Variants in KANK1 observed in about 807,000 individuals in gnomAD.
The protein encoded by KANK1 is KN motif and ankyrin repeat domain-containing protein 1.
In KANK1, 109 loss-of-function variants were observed where a neutral mutation model predicts 106.2. The ratio of observed to expected loss-of-function variants is 1.03; its 90% CI spans 0.88 to 1.20. KANK1 has a LOEUF of 1.20. KANK1 is among the 50% of genes most tolerant of loss of function. KANK1 has a pLI of 0.00. For synonymous variants in KANK1, 873 were observed against 652.2 expected, an observed-to-expected ratio of 1.34 and a Z score of -5.16; for missense variants, 2,399 against 1,710.7, an observed-to-expected ratio of 1.40 and a Z score of -7.10.
chr9:543,842 C>A (rs1215882588), intron 1 of KANK1, among the ~76,000 whole-genome samples: 5 of 152,126 alleles, frequency 3.3e-5, no homozygotes, highest in Admixed American at 3.3e-4. Context: ...TTGCCCCTTA[C>A]CGTCTTCAAA....
intron 1 of KANK1, among the ~76,000 whole-genome samples, chr9:517,399 G>A (rs527819600): frequency 2.6e-5 from 4 of 151,884 alleles, no homozygotes; most frequent in East Asian, 1.9e-4. Flanking sequence ...ACTGCGGCCC[G>A]GCTGCAAGCT....
chr9:536,032 A>G (rs1441921746), intron 1 of KANK1, among the ~76,000 whole-genome samples: 1 of 152,128 alleles, frequency 6.6e-6, no homozygotes, highest in African/African-American at 2.4e-5. Context: ...TAAAACCCAC[A>G]AATTTCATGC....
intron 3 of KANK1, among the ~76,000 whole-genome samples, chr9:483,891 A>G (rs1161457248): frequency 6.6e-6 from 1 of 152,202 alleles, no homozygotes; most frequent in Non-Finnish European, 1.5e-5. Flanking sequence ...TATCAGGGCT[A>G]TTTAAAAAAA....
At chr9:650,373 C>T (rs10491593) in intron 1 of KANK1, among the ~76,000 whole-genome samples, 32,809 of 152,122 alleles carry the variant, frequency 0.22, 4,716 homozygotes, top group African/African-American at 0.39. Context: ...TCCTCTTTTA[C>T]TCTCCAGCAA....
chr9:723,488 A>G (rs1360225865), intron 3 of KANK1, among the ~76,000 whole-genome samples: 3 of 146,528 alleles, frequency 2.0e-5, no homozygotes, highest in Non-Finnish European at 2.9e-5. Flanking sequence ...GCATGATCAC[A>G]AGCACCTGGG....
intron 1 of KANK1, among the ~76,000 whole-genome samples, chr9:629,096 C>T (rs1182832885): frequency 7.2e-6 from 1 of 139,166 alleles, no homozygotes; most frequent in Non-Finnish European, 1.6e-5. Context: ...AAAAAAAAAT[C>T]CCATCTTGCA....
At chr9:569,965 C>T (rs1010295669) in intron 1 of KANK1, among the ~76,000 whole-genome samples, 13 of 152,250 alleles carry the variant, frequency 8.5e-5, no homozygotes, top group Non-Finnish European at 1.9e-4. Flanking sequence ...CATTATACAC[C>T]TTCCCCACCC....
chr9:522,979 C>G (rs1168613602), intron 1 of KANK1, among the ~76,000 whole-genome samples: 1 of 151,722 alleles, frequency 6.6e-6, no homozygotes, highest in East Asian at 1.9e-4. Flanking sequence ...ATGGATAATG[C>G]AAAACATGAT....
At chr9:552,673 A>C (rs903115297) in intron 1 of KANK1, among the ~76,000 whole-genome samples, 16 of 152,222 alleles carry the variant, frequency 1.1e-4, no homozygotes, top group African/African-American at 3.6e-4. Context: ...ATTCTTGACT[A>C]ATCTGCTCAA....
intron 8 of KANK1, among the ~76,000 whole-genome samples, chr9:739,433 A>G (rs1323741109): frequency 6.6e-6 from 1 of 152,212 alleles, no homozygotes; most frequent in Non-Finnish European, 1.5e-5. Context: ...GATGCAGAGA[A>G]GAAAGCCAAG....
intron 1 of KANK1, among the ~76,000 whole-genome samples, chr9:596,374 T>C (rs1489516329): frequency 1.3e-5 from 2 of 151,774 alleles, no homozygotes; most frequent in Non-Finnish European, 2.9e-5. Context: ...CTTCTTTTAA[T>C]GTACATCACT....
intron 1 of KANK1, among the ~76,000 whole-genome samples, chr9:567,040 C>T (rs1817979816): frequency 6.6e-6 from 1 of 152,096 alleles, no homozygotes; most frequent in Non-Finnish European, 1.5e-5. Context: ...GGAAGGGGTC[C>T]AGTTTCAATT....
At chr9:646,466 A>G (rs771176464) in intron 1 of KANK1, among the ~76,000 whole-genome samples, 6 of 151,050 alleles carry the variant, frequency 4.0e-5, no homozygotes, top group Non-Finnish European at 7.4e-5. Flanking sequence ...TCTCTCTCTA[A>G]TTATATCTTC....
At chr9:735,059 CT>C (rs1833407384) in intron 7 of KANK1, among the ~76,000 whole-genome samples, 1 of 152,192 alleles carries the variant, frequency 6.6e-6, no homozygotes, top group African/African-American at 2.4e-5. Flanking sequence ...CCACCCTGGA[CT>C]TTTCCTGGGG....
chr9:627,718 A>T (rs1834695857), intron 1 of KANK1, among the ~76,000 whole-genome samples: 1 of 152,148 alleles, frequency 6.6e-6, no homozygotes, highest in Non-Finnish European at 1.5e-5. Context: ...CAGAGGGTGG[A>T]TGGGAGAGTG....
intron 1 of KANK1, among the ~76,000 whole-genome samples, chr9:552,847 A>C (rs2061360937): frequency 1.3e-5 from 2 of 152,220 alleles, no homozygotes; most frequent in African/African-American, 4.8e-5. Flanking sequence ...CCTTTGTTAG[A>C]AATGAACATG....
intron 1 of KANK1, among the ~76,000 whole-genome samples, chr9:534,496 C>G (rs757835694): frequency 6.6e-6 from 1 of 152,202 alleles, no homozygotes; most frequent in Non-Finnish European, 1.5e-5. Context: ...AGCAAAAAAT[C>G]TGGACCATGT....
At chr9:651,401 T>C (rs535969786) in intron 1 of KANK1, among the ~76,000 whole-genome samples, 2 of 152,362 alleles carry the variant, frequency 1.3e-5, no homozygotes, top group Admixed American at 1.3e-4. Context: ...TCCATCATAC[T>C]AATTTAGGAA....
chr9:662,389 A>G (rs887692537), intron 1 of KANK1, among the ~76,000 whole-genome samples: 1 of 152,200 alleles, frequency 6.6e-6, no homozygotes, highest in Non-Finnish European at 1.5e-5. Flanking sequence ...AGCAAAAAGA[A>G]CAAAGCTGGA....
Sources: gnomAD v4.1 joint callset for allele counts (sites outside exome capture counted in the v4.1 genomes callset) on GRCh38, gnomAD v4.1.1 for gene constraint, MANE v1.5 for transcripts, NCBI Gene and HGNC (gene_info 2026-07-23, HGNC 2026-07-21) for gene names.